SLC25A12: variants seen among roughly 807,000 people sequenced by gnomAD.
SLC25A12 encodes electrogenic aspartate/glutamate antiporter SLC25A12, mitochondrial.
Under a neutral mutation model 83.3 loss-of-function variants are expected in SLC25A12, and 32 were observed. The ratio of observed to expected loss-of-function variants is 0.38; its 90% CI spans 0.29 to 0.52. The LOEUF (loss-of-function observed/expected upper bound fraction) is 0.52. SLC25A12 is among the 20% of genes least tolerant of loss of function. The pLI is 0.84. For missense variants in SLC25A12, 611 were observed against 835.6 expected (o/e 0.73, Z 3.31); for synonymous variants, 267 against 291.1 (o/e 0.92, Z 0.84).
chr2:171,894,104 C>T (rs1350040517), intron 1 of SLC25A12, 99 bp downstream of exon 1: 13 of 1,478,150 alleles, frequency 8.8e-6, no homozygotes, highest in Non-Finnish European at 2.8e-6. Context: ...CTATCTAAGA[C>T]CTAGACAATG....
At chr2:171,816,822 A>C (rs1348629066) in intron 9 of SLC25A12, among the ~76,000 whole-genome samples, 1 of 152,222 alleles carries the variant, frequency 6.6e-6, no homozygotes, top group Non-Finnish European at 1.5e-5. Context: ...GATGATATTT[A>C]ATCTCATATA....
chr2:171,818,248 C>T (rs573919752), intron 9 of SLC25A12, among the ~76,000 whole-genome samples: 30 of 151,764 alleles, frequency 2.0e-4, no homozygotes, highest in Middle Eastern at 3.5e-3. Context: ...GATTGCCTGC[C>T]GTGAGCAAAT....
intron 9 of SLC25A12, 48 bp from the exon 10 acceptor site, chr2:171,815,250 C>T (rs1295533401): frequency 2.3e-6 from 3 of 1,294,414 alleles, no homozygotes; most frequent in Admixed American, 1.7e-5. Context: ...GCGCACACAG[C>T]AAGTGAAAAA....
At chr2:171,833,320 C>T (rs750545204) in intron 8 of SLC25A12, among the ~76,000 whole-genome samples, 46 of 152,042 alleles carry the variant, frequency 3.0e-4, no homozygotes, top group Admixed American at 4.6e-4. Context: ...ATGAAGATCA[C>T]GTCTCTCAGG....
chr2:171,844,284 AT>A, intron 5 of SLC25A12, 84 bp downstream of exon 5: 1 of 1,455,832 alleles, frequency 6.9e-7, no homozygotes, highest in Non-Finnish European at 9.6e-7. Context: ...GAGAACTTCT[AT>A]TTTTGTAATA....
Position 171,785,342 on chromosome 2 carries a change from G to T in SLC25A12, c.1969C>A (p.Leu657Ile). The T allele has an allele frequency of 3.7e-6, 6 of 1,614,206 alleles. No homozygotes were observed. The highest frequency in any genetic ancestry group is 5.1e-6 in the Non-Finnish European group (6 of 1,180,038). ...AGIENKFGLYLPKFKSPSVAV... is the reference protein window; with the variant it reads ...AGIENKFGLYIPKFKSPSVAV... ...ACACTAGGAGACTTAAATTTCGGGA[G>T]ATAAAGGCCAAATTTGTTTTCGATG... The change falls in exon 18 of 18, where the codon CTC becomes ATC. Residue 657 changes from leucine (L) to isoleucine (I), a missense_variant. Leu to Ile is a conservative substitution (Grantham distance 5). Around this residue, in one of 3 missense-constraint regions of SLC25A12, gnomAD observed 37 missense variants for 35.1 expected, o/e 1.05. Transcript: ENST00000422440.
Position 171,837,250 on chromosome 2 carries a change from A to G in SLC25A12, c.483T>C (p.His161=), listed in dbSNP as rs1361327902. Residue 161 remains histidine, a synonymous_variant, in exon 6 of 18, where the codon CAT becomes CAC. Coordinates refer to ENST00000422440, the MANE Select transcript of SLC25A12 (RefSeq NM_003705.5). ...CTTTGAGTGCAAAGGCTTGTCTTGCATGTTCCAATTGCAGCTCCTGTGAGG... is the reference window on the plus strand; with the variant it reads ...CTTTGAGTGCAAAGGCTTGTCTTGCGTGTTCCAATTGCAGCTCCTGTGAGG... ...TQFLQELQLE[H]ARQAFALKDK... The G allele has an allele frequency of 1.2e-6, 2 of 1,614,096 alleles. No homozygotes were observed. Among genetic ancestry groups the G allele is most frequent in the East Asian group, 4.5e-5 (2 of 44,874 alleles).
At chr2:171,802,680 G>A (rs1683734220) in intron 13 of SLC25A12, among the ~76,000 whole-genome samples, 1 of 152,192 alleles carries the variant, frequency 6.6e-6, no homozygotes, top group African/African-American at 2.4e-5. Flanking sequence ...GGAGGCTGAG[G>A]CAGGAGAATG....
intron 9 of SLC25A12, among the ~76,000 whole-genome samples, chr2:171,819,534 GGAGTT>G (rs1490664597): frequency 2.8e-5 from 4 of 145,080 alleles, no homozygotes; most frequent in Non-Finnish European, 6.0e-5. Flanking sequence ...CAGCAAAAAG[GGAGTT>G]AAGTTGTGTT....
intron 2 of SLC25A12, among the ~76,000 whole-genome samples, chr2:171,876,205 C>CT (rs1483141022): frequency 6.6e-6 from 1 of 152,164 alleles, no homozygotes; most frequent in Non-Finnish European, 1.5e-5. Flanking sequence ...TCCAGCTCTC[C>CT]TACTCTATTT....
intron 10 of SLC25A12, among the ~76,000 whole-genome samples, 175 bp downstream of exon 10, chr2:171,814,946 T>C (rs928930497): frequency 3.9e-5 from 6 of 152,198 alleles, no homozygotes; most frequent in Non-Finnish European, 7.4e-5. Flanking sequence ...CAGATGGTCA[T>C]AGCCATTGCT....
intron 2 of SLC25A12, among the ~76,000 whole-genome samples, chr2:171,882,467 T>C (rs1685717996): frequency 6.6e-6 from 1 of 152,224 alleles, no homozygotes. Flanking sequence ...AGGATTTTAA[T>C]CTGGGGATGC....
chr2:171,888,023 A>G (rs1685857296), intron 2 of SLC25A12, among the ~76,000 whole-genome samples: 1 of 151,838 alleles, frequency 6.6e-6, no homozygotes, highest in African/African-American at 2.4e-5. Context: ...GAACTCCCAC[A>G]CCAATTCTCA....
chr2:171,860,746 G>A (rs1268248902), intron 3 of SLC25A12, among the ~76,000 whole-genome samples: 1 of 151,942 alleles, frequency 6.6e-6, no homozygotes, highest in East Asian at 1.9e-4. Flanking sequence ...AAGGATAGAG[G>A]GATGGATGGA....
At chr2:171,792,343 A>T (rs1033813034) in intron 14 of SLC25A12, among the ~76,000 whole-genome samples, 4 of 151,444 alleles carry the variant, frequency 2.6e-5, no homozygotes, top group Admixed American at 6.6e-5. Flanking sequence ...GCTGGAGCAT[A>T]GTGGCAGGAT....
At chr2:171,820,118 C>A (rs148926008) in intron 9 of SLC25A12, among the ~76,000 whole-genome samples, 1 of 152,060 alleles carries the variant, frequency 6.6e-6, no homozygotes, top group Non-Finnish European at 1.5e-5. Flanking sequence ...AGATAACTAT[C>A]GGGTACTGGG....
At chr2:171,835,467 C>T (rs887312561) in intron 6 of SLC25A12, among the ~76,000 whole-genome samples, 1 of 152,222 alleles carries the variant, frequency 6.6e-6, no homozygotes, top group Non-Finnish European at 1.5e-5. Flanking sequence ...AATTTATTCA[C>T]TATTGAGTTA....
intron 3 of SLC25A12, among the ~76,000 whole-genome samples, chr2:171,864,788 C>A (rs1473064004): frequency 6.6e-6 from 1 of 152,130 alleles, no homozygotes; most frequent in East Asian, 1.9e-4. Flanking sequence ...CTTGGGTTCC[C>A]TCTATTCCTC....
intron 3 of SLC25A12, among the ~76,000 whole-genome samples, chr2:171,865,685 A>G (rs1685274655): frequency 6.6e-6 from 1 of 151,358 alleles, no homozygotes; most frequent in Admixed American, 6.6e-5. Flanking sequence ...TTATATACAT[A>G]TATATAAAAT....
Sources: gnomAD v4.1 joint callset for allele counts (sites outside exome capture counted in the v4.1 genomes callset) on GRCh38, gnomAD v4.1.1 for gene constraint, gnomAD v4.1.1 regional missense constraint, MANE v1.5 for transcripts, NCBI Gene and HGNC (gene_info 2026-07-23, HGNC 2026-07-21) for gene names.